CNTNAP2: variants seen among roughly 807,000 people sequenced by gnomAD.
The protein encoded by CNTNAP2 is contactin associated protein 2.
In CNTNAP2, 98 loss-of-function variants were observed where a neutral mutation model predicts 155.2. The observed-to-expected ratio is 0.63, with a 90% confidence interval of 0.54 to 0.75. The LOEUF (loss-of-function observed/expected upper bound fraction) is 0.75. Ranked by LOEUF, CNTNAP2 falls within the 30% of genes least tolerant of loss-of-function variation. CNTNAP2 has a pLI of 0.00. For missense variants in CNTNAP2, 1,727 were observed against 1,688.1 expected, an observed-to-expected ratio of 1.02 and a Z score of -0.40; for synonymous variants, 651 against 631.2, an observed-to-expected ratio of 1.03 and a Z score of -0.47.
At chr7:146,193,302 A>G (rs2116855394) in intron 1 of CNTNAP2, among the ~76,000 whole-genome samples, 1 of 152,200 alleles carries the variant, frequency 6.6e-6, no homozygotes, top group Non-Finnish European at 1.5e-5. Context: ...CCAACCCCAC[A>G]TTTCTCTTCT....
chr7:147,369,177 G>A (rs1369684141), intron 9 of CNTNAP2, among the ~76,000 whole-genome samples: 1 of 152,198 alleles, frequency 6.6e-6, no homozygotes, highest in Non-Finnish European at 1.5e-5. Context: ...AACCATGTTA[G>A]AACTTGAAAA....
At chr7:147,117,464 G>T (rs926544219) in intron 5 of CNTNAP2, among the ~76,000 whole-genome samples, 1 of 152,056 alleles carries the variant, frequency 6.6e-6, no homozygotes, top group Admixed American at 6.6e-5. Flanking sequence ...TTCTCCTTGT[G>T]TGAAGTTGTT....
At chr7:148,140,719 G>C (rs990822356) in intron 16 of CNTNAP2, among the ~76,000 whole-genome samples, 1 of 152,166 alleles carries the variant, frequency 6.6e-6, no homozygotes, top group African/African-American at 2.4e-5. Flanking sequence ...ACCACACCCA[G>C]CCCAGGCCCC....
intron 3 of CNTNAP2, among the ~76,000 whole-genome samples, chr7:146,982,118 T>C (rs1189836488): frequency 6.6e-6 from 1 of 152,122 alleles, no homozygotes; most frequent in African/African-American, 2.4e-5. Flanking sequence ...AAATGGACCA[T>C]GCAAAAACAG....
At chr7:147,659,184 A>T (rs1381116155) in intron 13 of CNTNAP2, among the ~76,000 whole-genome samples, 1 of 152,238 alleles carries the variant, frequency 6.6e-6, no homozygotes, top group Non-Finnish European at 1.5e-5. Context: ...TATAAAACTA[A>T]ATCCTCAATC....
chr7:146,774,450 T>A (rs1487355901), intron 2 of CNTNAP2, 69 bp downstream of exon 2: 10 of 1,037,698 alleles, frequency 9.6e-6, no homozygotes, highest in Non-Finnish European at 1.5e-5. Flanking sequence ...TATAGCCATA[T>A]ATATATATAA....
chr7:146,154,821 G>C (rs1185619846), intron 1 of CNTNAP2, among the ~76,000 whole-genome samples: 1 of 152,160 alleles, frequency 6.6e-6, no homozygotes, highest in Non-Finnish European at 1.5e-5. Flanking sequence ...AGCATCTATA[G>C]ACCAGAAGAA....
At chr7:146,741,430 G>A (rs941842040) in intron 1 of CNTNAP2, among the ~76,000 whole-genome samples, 1 of 152,094 alleles carries the variant, frequency 6.6e-6, no homozygotes, top group African/African-American at 2.4e-5. Context: ...TAGACACAAC[G>A]AGCTTATAAT....
intron 3 of CNTNAP2, among the ~76,000 whole-genome samples, chr7:146,927,593 T>C (rs192662809): frequency 6.8e-6 from 1 of 147,246 alleles, no homozygotes; most frequent in East Asian, 1.9e-4. Flanking sequence ...TATACAATAT[T>C]ACTCCTGGAA....
At chr7:147,485,841 T>C (rs1319557450) in intron 10 of CNTNAP2, 94 bp from the exon 11 acceptor site, 12 of 1,205,758 alleles carry the variant, frequency 1.0e-5, no homozygotes, top group Non-Finnish European at 1.4e-5. Context: ...AACCTGGCAT[T>C]GAAATGATAT....
intron 1 of CNTNAP2, among the ~76,000 whole-genome samples, chr7:146,724,479 C>T (rs998364497): frequency 6.7e-6 from 1 of 150,272 alleles, no homozygotes; most frequent in Non-Finnish European, 1.5e-5. Flanking sequence ...GGTCTTGTTC[C>T]GTTTGGTTTT....
chr7:146,872,174 T>C (rs1795323701), intron 3 of CNTNAP2, among the ~76,000 whole-genome samples: 1 of 150,412 alleles, frequency 6.6e-6, no homozygotes, highest in African/African-American at 2.4e-5. Context: ...TTTTTTTTTT[T>C]TTTTTTTTTT....
intron 11 of CNTNAP2, among the ~76,000 whole-genome samples, chr7:147,526,516 A>G (rs1181928323): frequency 1.3e-5 from 2 of 152,216 alleles, no homozygotes; most frequent in Non-Finnish European, 2.9e-5. Context: ...AAAATATACA[A>G]TCAACTTGAG....
intron 1 of CNTNAP2, among the ~76,000 whole-genome samples, chr7:146,610,323 T>G (rs1799115611): frequency 6.6e-6 from 1 of 152,160 alleles, no homozygotes; most frequent in Admixed American, 6.5e-5. Context: ...AGAGTAGTTT[T>G]GGAAGACTTG....
intron 9 of CNTNAP2, among the ~76,000 whole-genome samples, chr7:147,373,166 A>T (rs1381794687): frequency 1.3e-5 from 2 of 152,110 alleles, no homozygotes; most frequent in Non-Finnish European, 2.9e-5. Context: ...TGAAAGTAAT[A>T]TCAACAGGCT....
chr7:146,244,075 G>C (rs992124411), intron 1 of CNTNAP2, among the ~76,000 whole-genome samples: 1 of 151,358 alleles, frequency 6.6e-6, no homozygotes, highest in African/African-American at 2.4e-5. Context: ...GCCTGGATAC[G>C]GTTTTGTATG....
At chr7:148,175,539 C>G (rs1339275971) in intron 18 of CNTNAP2, among the ~76,000 whole-genome samples, 1 of 152,114 alleles carries the variant, frequency 6.6e-6, no homozygotes, top group African/African-American at 2.4e-5. Context: ...TAGCAGAACT[C>G]ATTTTCCACA....
intron 1 of CNTNAP2, among the ~76,000 whole-genome samples, chr7:146,339,743 A>G (rs538636676): frequency 3.9e-5 from 6 of 152,296 alleles, no homozygotes; most frequent in Non-Finnish European, 5.9e-5. Context: ...TATAACATGA[A>G]GTCTTTACTC....
intron 1 of CNTNAP2, among the ~76,000 whole-genome samples, chr7:146,576,733 C>G (rs530604940): frequency 6.6e-6 from 1 of 152,174 alleles, no homozygotes; most frequent in South Asian, 2.1e-4. Context: ...TTTCTCTTTA[C>G]CATTTCCTCA....
Sources: gnomAD v4.1 joint callset for allele counts (sites outside exome capture counted in the v4.1 genomes callset) on GRCh38, gnomAD v4.1.1 for gene constraint, MANE v1.5 for transcripts, NCBI Gene and HGNC (gene_info 2026-07-23, HGNC 2026-07-21) for gene names.